The following SNAP47 variants were observed in gnomAD, a reference collection of about 807,000 sequenced individuals.
SNAP47 encodes the protein synaptosomal-associated protein 47.
In SNAP47, 20 loss-of-function variants were observed where a neutral mutation model predicts 31.4. The observed-to-expected ratio is 0.64, with a 90% CI of 0.45 to 0.93. The LOEUF is 0.93. Ranked by LOEUF, SNAP47 falls within the 40% of genes least tolerant of loss-of-function variation. The pLI is 0.00. For missense variants in SNAP47, 492 were observed against 528.5 expected, an observed-to-expected ratio of 0.93 and a Z score of 0.68; for synonymous variants, 194 against 213.4, an observed-to-expected ratio of 0.91 and a Z score of 0.79.
intron 2 of SNAP47, among the ~76,000 whole-genome samples, chr1:227,751,745 T>G (rs938120166): frequency 8.6e-4 from 8 of 9,350 alleles, no homozygotes; most frequent in Admixed American, 7.6e-3. Context: ...AAAGACTTGG[T>G]TTTTTTTTTT....
At chr1:227,740,370 G>A (rs1322510836) in intron 1 of SNAP47, among the ~76,000 whole-genome samples, 1 of 152,190 alleles carries the variant, frequency 6.6e-6, no homozygotes, top group Non-Finnish European at 1.5e-5. Context: ...TTCTAATTCT[G>A]TTCAATGACT....
At chr1:227,776,026 C>T (rs2102999786) in intron 4 of SNAP47, 1 of 1,202,118 alleles carries the variant, frequency 8.3e-7, no homozygotes, top group Admixed American at 3.3e-5. Flanking sequence ...GGACCATGGC[C>T]ATAAGCTGGC....
intron 4 of SNAP47, chr1:227,768,438 A>ACCT: frequency 9.8e-6 from 5 of 507,694 alleles, no homozygotes; most frequent in Non-Finnish European, 1.3e-5. Flanking sequence ...GCCCATGTCC[A>ACCT]CCAGGAGGTG....
chr1:227,761,032 C>T, intron 3 of SNAP47, among the ~76,000 whole-genome samples: 1 of 152,222 alleles, frequency 6.6e-6, no homozygotes, highest in South Asian at 2.1e-4. Flanking sequence ...CATATGTACA[C>T]ATGTGTATCA....
At chr1:227,773,522 T>C (rs1289792993) in intron 4 of SNAP47, among the ~76,000 whole-genome samples, 4 of 152,210 alleles carry the variant, frequency 2.6e-5, no homozygotes, top group African/African-American at 7.2e-5. Context: ...GCAGTGTTGA[T>C]AAAGTCCACA....
At chr1:227,732,937 G>T, upstream of SNAP47, 1 of 1,613,184 alleles carries the variant, frequency 6.2e-7, no homozygotes, top group South Asian at 1.1e-5. Flanking sequence ...ACCTCCTCCT[G>T]CACGGCGCAT....
chr1:227,735,022 T>C (rs759777456), upstream of SNAP47: 5 of 1,550,602 alleles, frequency 3.2e-6, no homozygotes, highest in African/African-American at 4.1e-5. Context: ...CGTAGGTCCG[T>C]AGCAGGTGGT....
chr1:227,746,262 G>A (rs1286609423), intron 1 of SNAP47: 4 of 152,290 alleles, frequency 2.6e-5, no homozygotes, highest in African/African-American at 9.6e-5. Flanking sequence ...GGGAGAAGGT[G>A]GGTGGGGCTC....
At chr1:227,738,979 G>T (rs986116462) in intron 1 of SNAP47, among the ~76,000 whole-genome samples, 2 of 152,172 alleles carry the variant, frequency 1.3e-5, no homozygotes, top group East Asian at 1.9e-4. Flanking sequence ...TCGCTGGTCC[G>T]CAGGGTGCCC....
intron 1 of SNAP47, among the ~76,000 whole-genome samples, chr1:227,739,926 C>T (rs1348061975): frequency 6.6e-6 from 1 of 152,234 alleles, no homozygotes; most frequent in African/African-American, 2.4e-5. Flanking sequence ...ACCGTGAGGG[C>T]TCCAGGACCT....
At chr1:227,734,948 G>A (rs1168697665), upstream of SNAP47, 4 of 1,493,144 alleles carry the variant, frequency 2.7e-6, no homozygotes, top group African/African-American at 1.4e-5. Flanking sequence ...CTAGGCGGGG[G>A]CCTCCCGGGC....
chr1:227,764,166 G>A (rs1459850065), intron 3 of SNAP47, among the ~76,000 whole-genome samples: 3 of 152,136 alleles, frequency 2.0e-5, no homozygotes, highest in Non-Finnish European at 2.9e-5. Context: ...ATGACCCCAA[G>A]GCAGAAACCA....
chr1:227,764,058 A>G (rs901887562), intron 3 of SNAP47, among the ~76,000 whole-genome samples: 5 of 152,188 alleles, frequency 3.3e-5, no homozygotes, highest in African/African-American at 7.2e-5. Flanking sequence ...AAGGCTGTGC[A>G]TAGGTGTCTG....
At chr1:227,771,653 C>G (rs533425699) in intron 4 of SNAP47, among the ~76,000 whole-genome samples, 2 of 139,606 alleles carry the variant, frequency 1.4e-5, no homozygotes, top group South Asian at 4.8e-4. Context: ...CTGTGCACCC[C>G]GCCCACCCCC....
chr1:227,747,662 G>C (rs375480009), intron 1 of SNAP47, 30 bp from the exon 2 acceptor site: 1 of 1,554,556 alleles, frequency 6.4e-7, no homozygotes, highest in Non-Finnish European at 8.7e-7. Flanking sequence ...CATGGGTGAC[G>C]GCAGAACGTT....
At chr1:227,760,016 G>T (rs1486792448) in intron 3 of SNAP47, among the ~76,000 whole-genome samples, 1 of 152,194 alleles carries the variant, frequency 6.6e-6, no homozygotes, top group East Asian at 1.9e-4. Flanking sequence ...GCCACAACAC[G>T]AGAGCCCTTG....
At chr1:227,771,478 C>T (rs1663799743) in intron 4 of SNAP47, among the ~76,000 whole-genome samples, 1 of 152,050 alleles carries the variant, frequency 6.6e-6, no homozygotes, top group Admixed American at 6.5e-5. Flanking sequence ...GCGCCCTGGA[C>T]CAGGTGTGGG....
chr1:227,766,728 G>A lies in SNAP47; in HGVS notation c.989-231G>A, dbSNP rs116385708. Among the ~76,000 whole-genome samples the A allele has an allele frequency of 7.6e-3, 1,162 of 152,330 alleles. 10 individuals are homozygous for A. Among genetic ancestry groups the A allele is most frequent in the African/African-American group, 0.025 (1,056 of 41,568 alleles). On this transcript the variant is annotated intron_variant, in intron 3 of 4. Coordinates refer to ENST00000617596, the MANE Select transcript of SNAP47 (RefSeq NM_053052.4). ...AAAATAAAACCACTTGGGATGTAGG[G>A]CTTTTACTCTGAGAGGTACAGAGTG... is the stretch of plus-strand genomic sequence containing the variant.
At chr1:227,742,174 T>G (rs1661652842) in intron 1 of SNAP47, among the ~76,000 whole-genome samples, 1 of 152,064 alleles carries the variant, frequency 6.6e-6, no homozygotes, top group Admixed American at 6.6e-5. Flanking sequence ...ATGCTATCCC[T>G]CCCCCCTGCC....
Sources: allele counts gnomAD v4.1 joint callset (sites outside exome capture counted in the v4.1 genomes callset), GRCh38; gene constraint gnomAD v4.1.1; transcripts MANE v1.5; gene names NCBI Gene and HGNC (gene_info 2026-07-23, HGNC 2026-07-21).